Variants in FBXL17 observed in about 807,000 individuals in gnomAD.
FBXL17 encodes F-box and leucine rich repeat protein 17.
Under a neutral mutation model 66.2 loss-of-function variants are expected in FBXL17, and 22 were observed. The ratio of observed to expected loss-of-function variants is 0.33; its 90% confidence interval spans 0.24 to 0.47. The LOEUF (loss-of-function observed/expected upper bound fraction) is 0.47. Ranked by LOEUF, FBXL17 falls within the 20% of genes least tolerant of loss-of-function variation. The pLI, the probability that FBXL17 is intolerant of heterozygous loss-of-function variation, is 1.00. For missense variants in FBXL17, 878 were observed against 948.2 expected (o/e 0.93, Z 0.97); for synonymous variants, 474 against 400.5 (o/e 1.18, Z -2.19).
intron 4 of FBXL17, among the ~76,000 whole-genome samples, chr5:108,266,848 T>G (rs1453413784): frequency 6.6e-6 from 1 of 152,098 alleles, no homozygotes; most frequent in Non-Finnish European, 1.5e-5. Flanking sequence ...ACAACAGAAA[T>G]GTGTTCTGAT....
At chr5:108,135,126 A>G (rs971016943) in intron 6 of FBXL17, among the ~76,000 whole-genome samples, 3 of 152,088 alleles carry the variant, frequency 2.0e-5, no homozygotes, top group African/African-American at 7.2e-5. Context: ...ATCAGGTGGA[A>G]GGAAGAGTAC....
chr5:108,345,395 C>G (rs915897916), intron 4 of FBXL17, among the ~76,000 whole-genome samples: 2 of 151,260 alleles, frequency 1.3e-5, no homozygotes. Flanking sequence ...CTCTGCTTCA[C>G]CATAACTCAT....
rs1338804988 is a variant in FBXL17 at position 107,860,106 on chromosome 5, T to C, written c.*1614A>G. The C allele has an allele frequency of 6.6e-6, 1 of 152,144 alleles. No individual in the cohort carries two copies. The highest frequency in any genetic ancestry group is 1.5e-5 in the Non-Finnish European group (1 of 68,000). The allele number at this position is 152,144 out of a possible 1,614,324, so 9.4% of individuals were successfully genotyped here. A position where few individuals can be genotyped will look rare whatever the true frequency, so the allele number is the denominator to read the frequency against. On this transcript the variant is annotated 3_prime_UTR_variant, in exon 9 of 9. Coordinates refer to ENST00000542267, the MANE Select transcript of FBXL17 (RefSeq NM_001163315.3). ...ATGCCACATCAGAAACATGTTGACA[T>C]AATCAAAGGAAACAGTTGTTTACAA...
At chr5:108,109,946 G>T (rs528856468) in intron 6 of FBXL17, among the ~76,000 whole-genome samples, 1 of 152,222 alleles carries the variant, frequency 6.6e-6, no homozygotes, top group African/African-American at 2.4e-5. Flanking sequence ...TAAAATCAGA[G>T]AAAGAATTCC....
chr5:108,298,649 T>A, intron 4 of FBXL17: 1 of 897,240 alleles, frequency 1.1e-6, no homozygotes, highest in Non-Finnish European at 1.3e-6. Flanking sequence ...AAAACACAGT[T>A]CATCCTTTGA....
At chr5:108,025,806 C>T (rs1376054145) in intron 6 of FBXL17, among the ~76,000 whole-genome samples, 1 of 151,418 alleles carries the variant, frequency 6.6e-6, no homozygotes, top group Non-Finnish European at 1.5e-5. Flanking sequence ...AAGAGAGTAA[C>T]GAGAGCAAAC....
chr5:108,115,356 A>T (rs1750202971), intron 6 of FBXL17, among the ~76,000 whole-genome samples: 1 of 152,124 alleles, frequency 6.6e-6, no homozygotes, highest in South Asian at 2.1e-4. Context: ...ATACAAAAAA[A>T]AATTATAGTA....
At chr5:107,899,929 C>T (rs1228454798) in intron 7 of FBXL17, among the ~76,000 whole-genome samples, 1 of 152,130 alleles carries the variant, frequency 6.6e-6, no homozygotes, top group East Asian at 1.9e-4. Context: ...GAAATCTGTA[C>T]TTGTACCCCC....
chr5:108,073,047 T>C (rs570757025), intron 6 of FBXL17, among the ~76,000 whole-genome samples: 39 of 152,316 alleles, frequency 2.6e-4, no homozygotes, highest in African/African-American at 9.1e-4. Context: ...TTTAGTCCTA[T>C]GTCTAGTTAC....
chr5:108,357,623 T>C (rs1308553408), intron 3 of FBXL17, among the ~76,000 whole-genome samples: 1 of 152,006 alleles, frequency 6.6e-6, no homozygotes, highest in Non-Finnish European at 1.5e-5. Flanking sequence ...ATAAAAATTA[T>C]ACAATGTCTG....
chr5:108,365,828 C>T (rs1426759464), intron 2 of FBXL17, among the ~76,000 whole-genome samples: 1 of 152,008 alleles, frequency 6.6e-6, no homozygotes, highest in Non-Finnish European at 1.5e-5. Flanking sequence ...AAAAACTCCA[C>T]ATATTTGATG....
intron 4 of FBXL17, 49 bp downstream of exon 4, chr5:108,348,350 G>A (rs545434727): frequency 8.9e-5 from 130 of 1,455,896 alleles, no homozygotes; most frequent in Non-Finnish European, 1.2e-4. Flanking sequence ...GAAAGAATTC[G>A]AAGGTTAGGA....
chr5:107,954,082 A>C (rs908640730), intron 7 of FBXL17, among the ~76,000 whole-genome samples: 6 of 152,230 alleles, frequency 3.9e-5, no homozygotes, highest in Non-Finnish European at 8.8e-5. Flanking sequence ...TGGCTGACAT[A>C]TCTCTAAAAC....
chr5:107,954,902 A>C (rs1465236234), intron 7 of FBXL17, among the ~76,000 whole-genome samples: 1 of 152,180 alleles, frequency 6.6e-6, no homozygotes, highest in East Asian at 1.9e-4. Context: ...TTCTATTTTG[A>C]TATTAAACAT....
intron 4 of FBXL17, among the ~76,000 whole-genome samples, chr5:108,285,872 CAT>C (rs1308171304): frequency 6.6e-6 from 1 of 151,414 alleles, no homozygotes. Flanking sequence ...CGTTGATGAA[CAT>C]AGACACAAAA....
chr5:108,209,313 C>A (rs1393008095), intron 5 of FBXL17, among the ~76,000 whole-genome samples: 15 of 152,114 alleles, frequency 9.9e-5, no homozygotes, highest in Admixed American at 9.8e-4. Context: ...CTTTCTCTTG[C>A]CTGATTGTCC....
chr5:108,013,229 T>C (rs1020140203), intron 7 of FBXL17, among the ~76,000 whole-genome samples: 1 of 152,164 alleles, frequency 6.6e-6, no homozygotes, highest in African/African-American at 2.4e-5. Flanking sequence ...ATAATATATG[T>C]TAATGGAAGT....
chr5:108,367,927 C>T lies in FBXL17; in HGVS notation c.1020G>A (p.Glu340=). Residue 340 remains glutamate (E), a synonymous_variant, in exon 2 of 9, where the codon GAG becomes GAA. Coordinates refer to ENST00000542267, the MANE Select transcript of FBXL17 (RefSeq NM_001163315.3). ...LKIFSNLSLD[E]RCLSASLVCK... ...AAACCAATGATGCGGAAAGGCAACGCTCATCCAGTGACAAATTGGAAAATA... is the reference window on the plus strand; with the variant it reads ...AAACCAATGATGCGGAAAGGCAACGTTCATCCAGTGACAAATTGGAAAATA... The T allele has an allele frequency of 6.4e-7, 1 of 1,550,858 alleles. No individual in the cohort carries two copies. The highest frequency in any genetic ancestry group is 8.7e-7 in the Non-Finnish European group (1 of 1,146,416).
chr5:108,147,461 G>C (rs1349932379), intron 6 of FBXL17, among the ~76,000 whole-genome samples: 1 of 152,072 alleles, frequency 6.6e-6, no homozygotes, highest in Non-Finnish European at 1.5e-5. Flanking sequence ...GATGGTGAGA[G>C]GATTGCTTGA....
Sources: allele counts gnomAD v4.1 joint callset (sites outside exome capture counted in the v4.1 genomes callset), GRCh38; gene constraint gnomAD v4.1.1; transcripts MANE v1.5; gene names NCBI Gene and HGNC (gene_info 2026-07-23, HGNC 2026-07-21).